Variants in ATP8B1 observed in about 807,000 individuals in gnomAD.
The protein encoded by ATP8B1 is phospholipid-transporting ATPase IC.
ATP8B1 carries 80 observed loss-of-function variants against 149.9 expected under a neutral mutation model. The ratio of observed to expected loss-of-function variants is 0.53; its 90% CI spans 0.45 to 0.64. The LOEUF (loss-of-function observed/expected upper bound fraction) is 0.64. Ranked by LOEUF, ATP8B1 falls within the 30% of genes least tolerant of loss-of-function variation. The pLI, the probability that ATP8B1 is intolerant of heterozygous loss-of-function variation, is 0.00. For missense variants in ATP8B1, 1,247 were observed against 1,552.6 expected (o/e 0.80, Z 3.31); for synonymous variants, 536 against 562.8 (o/e 0.95, Z 0.67).
chr18:57,707,669 C>T (rs1036562744), intron 2 of ATP8B1, among the ~76,000 whole-genome samples: 10 of 151,488 alleles, frequency 6.6e-5, no homozygotes, highest in African/African-American at 1.5e-4. Flanking sequence ...CCACCACACC[C>T]GGCTAATTTT....
chr18:57,799,448 C>T (rs1171071461), intron 1 of ATP8B1, among the ~76,000 whole-genome samples: 2 of 152,156 alleles, frequency 1.3e-5, no homozygotes, highest in Admixed American at 6.5e-5. Context: ...CGGTGGCTCA[C>T]GCCTATAATC....
chr18:57,802,075 C>A lies in ATP8B1; in HGVS notation c.-26+923G>T, dbSNP rs541792358. Reference sequence around the variant, plus strand: ...CACCGCCCCCCCCCGCAACCAGCCACCAACCCCCGGCAGGGACCACAGGCA... The same window carrying A: ...CACCGCCCCCCCCCGCAACCAGCCAACAACCCCCGGCAGGGACCACAGGCA... On this transcript the variant is annotated intron_variant, in intron 1 of 27. Transcript: ENST00000648908. This position sits in a 1 kb window ranked among gnomAD's most constrained non-coding sequence, Gnocchi z 4.9. The A allele has an allele frequency of 6.6e-6, 1 of 150,666 alleles. No homozygotes were observed. Among genetic ancestry groups the A allele is most frequent in the South Asian group, 2.1e-4 (1 of 4,786 alleles). 9.3% of individuals were successfully genotyped at this position (150,666 alleles called of 1,614,324 possible). A position where few individuals can be genotyped will look rare whatever the true frequency, so the allele number is the denominator to read the frequency against.
At position 57,753,130 on chromosome 18, in the gene ATP8B1, A is replaced by C. The variant is rs577805878; in HGVS notation, c.-25-21298T>G. ...AAAAAACCCCGATTAAAGAAAAAAAAGATCTCTCTTGTGTCAACAAGGGAA... is the reference window on the plus strand; with the variant it reads ...AAAAAACCCCGATTAAAGAAAAAAACGATCTCTCTTGTGTCAACAAGGGAA... On this transcript the variant is annotated intron_variant, in intron 1 of 27. Coordinates refer to ENST00000648908, the MANE Select transcript of ATP8B1 (RefSeq NM_001374385.1). Among the ~76,000 whole-genome samples the C allele has an allele frequency of 7.9e-5, 12 of 152,348 alleles. No individual in the cohort carries two copies. The South Asian group carries it at 2.1e-3, about 26-fold the overall frequency.
At chr18:57,707,351 C>G (rs957263133) in intron 2 of ATP8B1, among the ~76,000 whole-genome samples, 1 of 152,080 alleles carries the variant, frequency 6.6e-6, no homozygotes, top group Admixed American at 6.6e-5. Flanking sequence ...TCTTTGGCAC[C>G]AAGTTCTCCA....
At chr18:57,672,992 C>CATATATAAATAT (rs1911356577) in intron 16 of ATP8B1, among the ~76,000 whole-genome samples, 2 of 109,276 alleles carry the variant, frequency 1.8e-5, no homozygotes, top group Non-Finnish European at 1.8e-5. Context: ...TATATAAATA[C>CATATATAAATAT]ATGTATATAT....
At chr18:57,701,185 T>C (rs1157602373) in intron 5 of ATP8B1, 30 bp downstream of exon 5, 9 of 1,612,936 alleles carry the variant, frequency 5.6e-6, no homozygotes, top group South Asian at 3.3e-5. Context: ...CTCAAAGCAA[T>C]GAGTAGAACG....
intron 2 of ATP8B1, among the ~76,000 whole-genome samples, chr18:57,709,309 C>T (rs1022534129): frequency 2.0e-5 from 3 of 152,118 alleles, no homozygotes; most frequent in Admixed American, 6.5e-5. Flanking sequence ...CTTGGAAGTT[C>T]GGTGGATTTG....
At chr18:57,731,941 G>A in intron 1 of ATP8B1, 109 bp from the exon 2 acceptor site, 1 of 1,055,044 alleles carries the variant, frequency 9.5e-7, no homozygotes, top group Non-Finnish European at 1.5e-6. Flanking sequence ...TGTCTAACAT[G>A]TAAATATTCT....
chr18:57,756,386 C>T (rs28453020), intron 1 of ATP8B1, among the ~76,000 whole-genome samples: 34,246 of 144,804 alleles, frequency 0.24, 4,390 homozygotes, highest in African/African-American at 0.33. Context: ...CTGCAACCTC[C>T]GCCTCCCGGG....
At position 57,694,659 on chromosome 18, in the gene ATP8B1, T is replaced by G. The variant is rs759154900; in HGVS notation, c.952A>C (p.Lys318Gln). Reference sequence around the variant, plus strand: ...GTTTTCCCACTATTCTTCATTATTTTAGTGTCAGCACCTGAAAATGGAAAA... The same window carrying G: ...GTTTTCCCACTATTCTTCATTATTTGAGTGTCAGCACCTGAAAATGGAAAA... Reference protein sequence around the residue: ...GLVIFAGADTKIMKNSGKTRF... With the variant: ...GLVIFAGADTQIMKNSGKTRF... Residue 318 changes from lysine to glutamine, a missense_variant, in exon 11 of 28, where the codon AAA (lysine) becomes CAA (glutamine). Transcript: ENST00000648908. 14 of 1,587,896 alleles carry G rather than the reference T, an allele frequency of 8.8e-6. No homozygotes were observed. The highest frequency in any genetic ancestry group is 9.5e-6 in the Non-Finnish European group (11 of 1,156,294).
At chr18:57,762,141 A>ATT (rs11300223) in intron 1 of ATP8B1, among the ~76,000 whole-genome samples, 2 of 126,796 alleles carry the variant, frequency 1.6e-5, no homozygotes, top group East Asian at 2.0e-4. Flanking sequence ...ATATATATAT[A>ATT]TTTTTTTTTT....
chr18:57,730,802 C>CATATATATATATATATATAT, intron 2 of ATP8B1, among the ~76,000 whole-genome samples: 1 of 11,074 alleles, frequency 9.0e-5, no homozygotes, highest in Admixed American at 1.5e-3. Context: ...AGACCATATA[C>CATATATATATATATATATAT]ATATATATAT....
Position 57,648,275 on chromosome 18 carries a change from C to T in ATP8B1, c.*213G>A, listed in dbSNP as rs1909311634. On this transcript the variant is annotated 3_prime_UTR_variant, in exon 28 of 28. Coordinates refer to ENST00000648908, the MANE Select transcript of ATP8B1 (RefSeq NM_001374385.1). ...TGCTGGGATTACAGACCTGAGCCAC[C>T]ACGCCCGGCCGAATAATAGGACTTT... is the stretch of plus-strand genomic sequence containing the variant. 1.5e-6 allele frequency: 1 copy of T among 665,878 alleles called. No individual in the cohort carries two copies. Among genetic ancestry groups the T allele is most frequent in the Non-Finnish European group, 2.6e-6 (1 of 382,044 alleles). The allele number at this position is 665,878 out of a possible 1,614,324, so 41.2% of individuals were successfully genotyped here.
At chr18:57,783,216 C>T (rs1382272103) in intron 1 of ATP8B1, among the ~76,000 whole-genome samples, 1 of 152,064 alleles carries the variant, frequency 6.6e-6, no homozygotes, top group Admixed American at 6.6e-5. Flanking sequence ...GAATGCTCTA[C>T]AGAGAGACTA....
At chr18:57,731,504 G>A in intron 2 of ATP8B1, 123 bp downstream of exon 2, 1 of 1,128,140 alleles carries the variant, frequency 8.9e-7, no homozygotes, top group South Asian at 1.3e-5. Context: ...CGCATCCTAA[G>A]AAGAGATCAG....
intron 19 of ATP8B1, chr18:57,668,048 CAA>C: frequency 8.0e-7 from 1 of 1,245,848 alleles, no homozygotes; most frequent in Non-Finnish European, 1.0e-6. Flanking sequence ...GCAAGAAAAC[CAA>C]AGTTATTGTT....
chr18:57,689,959 T>C (rs1304416349), intron 12 of ATP8B1, among the ~76,000 whole-genome samples: 2 of 152,170 alleles, frequency 1.3e-5, no homozygotes, highest in Non-Finnish European at 2.9e-5. Context: ...GAGGTTGCAG[T>C]GAGCTGAGAT....
intron 1 of ATP8B1, among the ~76,000 whole-genome samples, chr18:57,748,181 A>G (rs900785437): frequency 6.6e-6 from 1 of 152,076 alleles, no homozygotes; most frequent in Non-Finnish European, 1.5e-5. Context: ...AGAGCTAACT[A>G]TGTGTTCTAT....
chr18:57,799,203 G>A (rs1425615356), intron 1 of ATP8B1, among the ~76,000 whole-genome samples: 1 of 152,186 alleles, frequency 6.6e-6, no homozygotes, highest in Non-Finnish European at 1.5e-5. Context: ...GAAGCTATGA[G>A]GCCTGCGTTC....
Sources: allele counts gnomAD v4.1 joint callset (sites outside exome capture counted in the v4.1 genomes callset), GRCh38; gene constraint gnomAD v4.1.1; non-coding constraint Gnocchi (gnomAD v3.1); transcripts MANE v1.5; gene names NCBI Gene and HGNC (gene_info 2026-07-23, HGNC 2026-07-21).